The following OR5AS1 variants were observed in gnomAD, a reference collection of about 807,000 sequenced individuals.
OR5AS1 encodes olfactory receptor family 5 subfamily AS member 1, also known as olfactory receptor 5AS1.
For missense variants in OR5AS1, 492 were observed against 378.2 expected (o/e 1.30, Z -2.50); for synonymous variants, 196 against 141.7 (o/e 1.38, Z -2.72).
At chr11:56,030,076 T>G (rs758681830) in intron 1 of OR5AS1, among the ~76,000 whole-genome samples, 7 of 152,150 alleles carry the variant, frequency 4.6e-5, no homozygotes, top group Admixed American at 2.6e-4. Flanking sequence ...CTCATTATTC[T>G]ACTAGGTCTC....
chr11:56,037,779 C>T lies in OR5AS1; in HGVS notation c.*6386C>T, dbSNP rs1853423534. ...AAAAAAAAAAAACTACTTTAAATTT[C>T]ATGTGGAACCAGAAAACAGCCCATG... On this transcript the variant is annotated 3_prime_UTR_variant, in exon 2 of 2. Coordinates refer to ENST00000641320, the MANE Select transcript of OR5AS1 (RefSeq NM_001001921.2). 6.6e-6 allele frequency: 1 copy of T among 151,564 alleles called. No individual in the cohort carries two copies. Among genetic ancestry groups the T allele is most frequent in the Non-Finnish European group, 1.5e-5 (1 of 67,966 alleles). 9.4% of individuals were successfully genotyped at this position (151,564 alleles called of 1,614,324 possible).
rs1482037619 is a variant in OR5AS1 at position 56,035,149 on chromosome 11, C to G, written c.*3756C>G. 1 of 151,552 alleles carries G rather than the reference C, an allele frequency of 6.6e-6. No individual in the cohort carries two copies. Among genetic ancestry groups the G allele is most frequent in the Non-Finnish European group, 1.5e-5 (1 of 67,678 alleles). 9.4% of individuals were successfully genotyped at this position (151,552 alleles called of 1,614,324 possible). ...AAACATGGAAAGGTACAACTGGTAACAGCCACTGCAAAAAAAACAAATTTT... is the reference window on the plus strand; with the variant it reads ...AAACATGGAAAGGTACAACTGGTAAGAGCCACTGCAAAAAAAACAAATTTT... On this transcript the variant is annotated 3_prime_UTR_variant, in exon 2 of 2. Coordinates refer to ENST00000641320, the MANE Select transcript of OR5AS1 (RefSeq NM_001001921.2).
Position 56,030,679 on chromosome 11 carries a change from A to C in OR5AS1, c.261A>C (p.Ala87=), listed in dbSNP as rs1853338216. 1 of 1,591,428 alleles carries C rather than the reference A, an allele frequency of 6.3e-7. No homozygotes were observed. Among genetic ancestry groups the C allele is most frequent in the East Asian group, 2.2e-5 (1 of 44,578 alleles). ...CTAAAATGCTGGCAAACTTCTTGGC[A>C]TCCAGGAAAAGCATCTCTCCTTATG... ...ITPKMLANFL[A]SRKSISPYGC... is the part of the protein sequence containing the mutation. Residue 87 remains alanine, a synonymous_variant, in exon 2 of 2, where the codon GCA becomes GCC. Transcript: ENST00000641320.
Position 56,037,317 on chromosome 11 carries a change from C to T in OR5AS1, c.*5924C>T, listed in dbSNP as rs1424239862. On this transcript the variant is annotated 3_prime_UTR_variant, in exon 2 of 2. Coordinates refer to ENST00000641320, the MANE Select transcript of OR5AS1 (RefSeq NM_001001921.2). ...ATATTCAAATAGGAAAAGAGGAAGT[C>T]AAATCGTCTCTGTTTGCAGATGACA... 6.6e-6 allele frequency: 1 copy of T among 152,078 alleles called. No individual in the cohort carries two copies. The highest frequency in any genetic ancestry group is 1.5e-5 in the Non-Finnish European group (1 of 68,020). The allele number at this position is 152,078 out of a possible 1,614,324, so 9.4% of individuals were successfully genotyped here.
rs1426120311 is a variant in OR5AS1 at position 56,033,647 on chromosome 11, C to A, written c.*2254C>A. 1 of 152,234 alleles carries A rather than the reference C, an allele frequency of 6.6e-6. No individual in the cohort carries two copies. Among genetic ancestry groups the A allele is most frequent in the African/African-American group, 2.4e-5 (1 of 41,374 alleles). The allele number at this position is 152,234 out of a possible 1,614,324, so 9.4% of individuals were successfully genotyped here. A position where few individuals can be genotyped will look rare whatever the true frequency, so the allele number is the denominator to read the frequency against. The stretch of plus-strand genomic sequence containing the variant: ...CCAGTTAGGGGCCTAGAGATAAAAC[C>A]CCCATCCCCCTGAGACAGAGCACCT... On this transcript the variant is annotated 3_prime_UTR_variant, in exon 2 of 2. Transcript: ENST00000641320.
rs760217229 is a variant in OR5AS1 at position 56,034,032 on chromosome 11, T to G, written c.*2639T>G. 3.9e-5 allele frequency: 6 copies of G among 152,346 alleles called. No individual in the cohort carries two copies. The highest frequency in any genetic ancestry group is 7.3e-5 in the Non-Finnish European group (5 of 68,388). 9.4% of individuals were successfully genotyped at this position (152,346 alleles called of 1,614,324 possible). ...GACCTGCAGCAGAGGGGCCTGACAA[T>G]TAAAAGGAAAACTAAGGAATAGCAT... On this transcript the variant is annotated 3_prime_UTR_variant, in exon 2 of 2. Transcript: ENST00000641320.
chr11:56,030,952 C>T lies in OR5AS1; in HGVS notation c.534C>T (p.Phe178=), dbSNP rs775346584. 1.9e-6 allele frequency: 3 copies of T among 1,614,144 alleles called. No homozygotes were observed. The highest frequency in any genetic ancestry group is 1.7e-6 in the Non-Finnish European group (2 of 1,180,014). The change falls in exon 2 of 2, where the codon TTC becomes TTT. Residue 178 remains phenylalanine, a synonymous_variant. Transcript: ENST00000641320. ...FCGSNIVNHF[F]CDIPPLLALS... ...GCTCCAATATCGTCAATCATTTTTTCTGTGATATCCCACCTCTTCTGGCTT... is the reference window on the plus strand; with the variant it reads ...GCTCCAATATCGTCAATCATTTTTTTTGTGATATCCCACCTCTTCTGGCTT...
rs148523609 is a variant in OR5AS1 at position 56,030,802 on chromosome 11, C to T, written c.384C>T (p.Asn128=). ...ATGACCGCTATGCAGCCATCTGCAACCCACTGCTCTATACTACACTGATGT... is the reference window on the plus strand; with the variant it reads ...ATGACCGCTATGCAGCCATCTGCAATCCACTGCTCTATACTACACTGATGT... ...MAYDRYAAIC[N]PLLYTTLMSR... is the part of the protein sequence containing the mutation. The change falls in exon 2 of 2, where the codon AAC becomes AAT. Residue 128 remains asparagine (N), a synonymous_variant. Coordinates refer to ENST00000641320, the MANE Select transcript of OR5AS1 (RefSeq NM_001001921.2). The T allele has an allele frequency of 0.012, 18,903 of 1,613,952 alleles. 131 individuals are homozygous for T. Among genetic ancestry groups the T allele is most frequent in the Non-Finnish European group, 0.015 (17,307 of 1,179,880 alleles).
rs11825832 is a variant in OR5AS1 at position 56,027,899 on chromosome 11, G to A, written c.-29+187G>A. On this transcript the variant is annotated intron_variant, in intron 1 of 1. Coordinates refer to ENST00000641320, the MANE Select transcript of OR5AS1 (RefSeq NM_001001921.2). ...GAAGACGGTGGTAGCATAGACCTAA[G>A]CTTACCTTATCCATGGCAATTAGAA... 8.9e-3 allele frequency among the ~76,000 whole-genome samples: 1,345 copies of A among 151,116 alleles called. 27 individuals carry two copies. Among genetic ancestry groups the A allele is most frequent in the African/African-American group, 0.031 (1,280 of 40,998 alleles).
rs1221582235 is a variant in OR5AS1 at position 56,030,674 on chromosome 11, T to A, written c.256T>A (p.Leu86Met). 1 of 1,589,626 alleles carries A rather than the reference T, an allele frequency of 6.3e-7. No homozygotes were observed. The highest frequency in any genetic ancestry group is 8.6e-7 in the Non-Finnish European group (1 of 1,166,248). The change falls in exon 2 of 2, where the codon TTG becomes ATG. Residue 86 changes from leucine to methionine, a missense_variant. Physicochemically the swap from Leu to Met is conservative, Grantham distance 15. Transcript: ENST00000641320. The part of the protein sequence containing the change: ...AITPKMLANF[L>M]ASRKSISPYG... ...CACTCCTAAAATGCTGGCAAACTTC[T>A]TGGCATCCAGGAAAAGCATCTCTCC...
intron 1 of OR5AS1, among the ~76,000 whole-genome samples, chr11:56,029,908 G>A (rs537051808): frequency 2.6e-5 from 4 of 152,136 alleles, no homozygotes; most frequent in Non-Finnish European, 4.4e-5. Flanking sequence ...TAACTACCAC[G>A]TTAAGTAACC....
In OR5AS1 at chr11:56,030,508, A is replaced by T. The variant is rs1853335784; in HGVS notation, c.90A>T (p.Val30=). Residue 30 remains valine, a synonymous_variant, in exon 2 of 2, where the codon GTA becomes GTT. Coordinates refer to ENST00000641320, the MANE Select transcript of OR5AS1 (RefSeq NM_001001921.2). ...CTCTCAGAGTCACACTGTTCTTGGT[A>T]TTCCTTCTGGTATATACATTAACTA... ...YLPLRVTLFL[V]FLLVYTLTMV... is the part of the protein sequence containing the mutation. The T allele has an allele frequency of 3.9e-6, 6 of 1,543,522 alleles. No individual in the cohort carries two copies. The highest frequency in any genetic ancestry group is 5.2e-6 in the Non-Finnish European group (6 of 1,142,868).
rs1189625211 is a variant in OR5AS1 at position 56,030,910 on chromosome 11, C to A, written c.492C>A (p.Phe164Leu). ...TTSLVHVCLTFRLSFCGSNIV... is the reference protein window; with the variant it reads ...TTSLVHVCLTLRLSFCGSNIV... ...CACTGGTCCATGTGTGCCTCACATT[C>A]AGGCTGTCATTTTGTGGCTCCAATA... The change falls in exon 2 of 2, where the codon TTC becomes TTA. Residue 164 changes from phenylalanine (F) to leucine (L), a missense_variant. Coordinates refer to ENST00000641320, the MANE Select transcript of OR5AS1 (RefSeq NM_001001921.2). The A allele has an allele frequency of 6.2e-7, 1 of 1,614,004 alleles. No individual in the cohort carries two copies. The highest frequency in any genetic ancestry group is 1.3e-5 in the African/African-American group (1 of 74,876).
Position 56,033,415 on chromosome 11 carries a change from C to T in OR5AS1, c.*2022C>T, listed in dbSNP as rs1444578381. On this transcript the variant is annotated 3_prime_UTR_variant, in exon 2 of 2. Coordinates refer to ENST00000641320, the MANE Select transcript of OR5AS1 (RefSeq NM_001001921.2). ...TGCAAGCATAGCAGTCTGAAGTTGA[C>T]CTGGGATGCTCGAGCTTGGTTGGAG... 6.6e-6 allele frequency: 1 copy of T among 152,312 alleles called. No individual in the cohort carries two copies. Among genetic ancestry groups the T allele is most frequent in the Admixed American group, 6.5e-5 (1 of 15,278 alleles). 9.4% of individuals were successfully genotyped at this position (152,312 alleles called of 1,614,324 possible).
chr11:56,035,136 G>T lies in OR5AS1; in HGVS notation c.*3743G>T, dbSNP rs753481065. ...TGAAGGAAGCACTAAACATGGAAAGGTACAACTGGTAACAGCCACTGCAAA... is the reference window on the plus strand; with the variant it reads ...TGAAGGAAGCACTAAACATGGAAAGTTACAACTGGTAACAGCCACTGCAAA... On this transcript the variant is annotated 3_prime_UTR_variant, in exon 2 of 2. Coordinates refer to ENST00000641320, the MANE Select transcript of OR5AS1 (RefSeq NM_001001921.2). 7.9e-5 allele frequency: 12 copies of T among 152,036 alleles called. No homozygotes were observed. The highest frequency in any genetic ancestry group is 3.3e-4 in the Admixed American group (5 of 15,258). The allele number at this position is 152,036 out of a possible 1,614,324, so 9.4% of individuals were successfully genotyped here.
rs1291192069 is a variant in OR5AS1, at chr11:56,034,287, G to A, written c.*2894G>A. The A allele has an allele frequency of 1.3e-5, 2 of 151,400 alleles. No homozygotes were observed. Among genetic ancestry groups the A allele is most frequent in the African/African-American group, 4.8e-5 (2 of 41,260 alleles). The allele number at this position is 151,400 out of a possible 1,614,324, so 9.4% of individuals were successfully genotyped here. A position where few individuals can be genotyped will look rare whatever the true frequency, so the allele number is the denominator to read the frequency against. ...GGAAGTAATTGGGTAATAACAAATA[G>A]AAGAATTGGGTAATATCAAACTCCT... On this transcript the variant is annotated 3_prime_UTR_variant, in exon 2 of 2. Transcript: ENST00000641320.
In OR5AS1 at chr11:56,030,627, ACAT is replaced by A; in HGVS notation, c.212_214del (p.Ile71del). On this transcript the variant is annotated inframe_deletion, in exon 2 of 2. Coordinates refer to ENST00000641320, the MANE Select transcript of OR5AS1 (RefSeq NM_001001921.2). The stretch of plus-strand genomic sequence containing the variant: ...TTTCTTAGCAACTTATCTTTCTTAG[ACAT>A]CAGCTGTTCTACAGCAATCACTCCT... The A allele has an allele frequency of 1.3e-6, 2 of 1,553,208 alleles. No individual in the cohort carries two copies. The highest frequency in any genetic ancestry group is 1.7e-6 in the Non-Finnish European group (2 of 1,152,694).
At chr11:56,028,338 A>G (rs1249415775) in intron 1 of OR5AS1, among the ~76,000 whole-genome samples, 1 of 152,066 alleles carries the variant, frequency 6.6e-6, no homozygotes, top group Non-Finnish European at 1.5e-5. Flanking sequence ...GAGAAGTTCA[A>G]TGAGTTCTAG....
In OR5AS1 at chr11:56,036,681, T is replaced by C. The variant is rs1009068241; in HGVS notation, c.*5288T>C. Reference sequence around the variant, plus strand: ...AAATAGTCCAGGACCAGCCAAATTCTACCAGACATACAAAGAGGAGCTGGT... The same window carrying C: ...AAATAGTCCAGGACCAGCCAAATTCCACCAGACATACAAAGAGGAGCTGGT... On this transcript the variant is annotated 3_prime_UTR_variant, in exon 2 of 2. Coordinates refer to ENST00000641320, the MANE Select transcript of OR5AS1 (RefSeq NM_001001921.2). 1.3e-5 allele frequency: 2 copies of C among 151,772 alleles called. No homozygotes were observed. Among genetic ancestry groups the C allele is most frequent in the East Asian group, 1.9e-4 (1 of 5,142 alleles). 9.4% of individuals were successfully genotyped at this position (151,772 alleles called of 1,614,324 possible).
Sources: allele counts gnomAD v4.1 joint callset (sites outside exome capture counted in the v4.1 genomes callset), GRCh38; gene constraint gnomAD v4.1.1; transcripts MANE v1.5; gene names NCBI Gene and HGNC (gene_info 2026-07-23, HGNC 2026-07-21).